BPIFC: variants seen among roughly 807,000 people sequenced by gnomAD.
The protein encoded by BPIFC is BPI fold-containing family C protein.
A neutral mutation model predicts 57.6 loss-of-function variants in BPIFC; 60 were observed. That is an observed-to-expected ratio of 1.04 (90% CI 0.85 to 1.29). BPIFC has a LOEUF of 1.29. Ranked by LOEUF, BPIFC falls within the 50% of genes most tolerant of loss-of-function variation. The pLI, the probability that BPIFC is intolerant of heterozygous loss-of-function variation, is 0.00. For missense variants in BPIFC, 581 were observed against 600.5 expected, an observed-to-expected ratio of 0.97 and a Z score of 0.34; for synonymous variants, 243 against 224.5, an observed-to-expected ratio of 1.08 and a Z score of -0.74.
intron 1 of BPIFC, among the ~76,000 whole-genome samples, chr22:32,462,106 G>C (rs189591169): frequency 3.2e-4 from 43 of 136,062 alleles, no homozygotes; most frequent in African/African-American, 1.1e-3. Flanking sequence ...GGAGGCAGAG[G>C]TTGCAGTGAG....
At chr22:32,436,013 T>C in intron 9 of BPIFC, 133 bp from the exon 10 acceptor site, 1 of 947,326 alleles carries the variant, frequency 1.1e-6, no homozygotes, top group Non-Finnish European at 1.5e-6. Flanking sequence ...CTCACGCCTA[T>C]AATCCCAACA....
chr22:32,457,046 T>A, intron 3 of BPIFC, among the ~76,000 whole-genome samples: 1 of 152,190 alleles, frequency 6.6e-6, no homozygotes, highest in East Asian at 1.9e-4. Flanking sequence ...ACAATGAGAA[T>A]CTGTGCTGTG....
intron 2 of BPIFC, 109 bp from the exon 3 acceptor site, chr22:32,457,495 T>C (rs1343276197): frequency 1.6e-6 from 2 of 1,256,076 alleles, no homozygotes; most frequent in Non-Finnish European, 2.2e-6. Context: ...CTTCCAGAAC[T>C]CAATACATCC....
At chr22:32,438,100 G>A (rs573462478) in intron 8 of BPIFC, among the ~76,000 whole-genome samples, 2 of 152,250 alleles carry the variant, frequency 1.3e-5, no homozygotes, top group Admixed American at 6.5e-5. Flanking sequence ...GGTGTGCAGT[G>A]GTCCCCCTTA....
chr22:32,430,785 G>A (rs532550704), intron 13 of BPIFC, among the ~76,000 whole-genome samples: 193 of 151,618 alleles, frequency 1.3e-3, no homozygotes, highest in Non-Finnish European at 2.2e-3. Flanking sequence ...GGATTACAGC[G>A]GTGCACACCA....
At position 32,414,153 on chromosome 22, in the gene BPIFC, G is replaced by T; in HGVS notation, c.*150C>A. The stretch of plus-strand genomic sequence containing the variant: ...CTTTAACAGAGTCTGCCTTATTCTG[G>T]GTTCCTGAAGGCTTAAGAAAGAAAA... On this transcript the variant is annotated 3_prime_UTR_variant, in exon 17 of 17. Transcript: ENST00000300399. The T allele has an allele frequency of 1.0e-6, 1 of 987,952 alleles. No individual in the cohort carries two copies. The allele number at this position is 987,952 out of a possible 1,614,324, so 61.2% of individuals were successfully genotyped here. A position where few individuals can be genotyped will look rare whatever the true frequency, so the allele number is the denominator to read the frequency against.
chr22:32,427,251 G>T (rs1934094572), intron 13 of BPIFC, among the ~76,000 whole-genome samples: 1 of 152,158 alleles, frequency 6.6e-6, no homozygotes, highest in Non-Finnish European at 1.5e-5. Flanking sequence ...ACGTGCTGTT[G>T]CTTACTAGTA....
At chr22:32,448,640 T>TA (rs1164292022) in intron 4 of BPIFC, among the ~76,000 whole-genome samples, 1 of 151,974 alleles carries the variant, frequency 6.6e-6, no homozygotes, top group African/African-American at 2.4e-5. Flanking sequence ...ACATGCATTA[T>TA]AAGAAATTAT....
chr22:32,429,521 T>TG (rs1364156689), intron 13 of BPIFC, among the ~76,000 whole-genome samples: 43 of 105,994 alleles, frequency 4.1e-4, no homozygotes, highest in African/African-American at 1.2e-3. Context: ...TTTTTTTTTT[T>TG]TTTTTTTTTT....
intron 2 of BPIFC, among the ~76,000 whole-genome samples, chr22:32,458,473 G>T (rs1935093229): frequency 6.6e-6 from 1 of 152,174 alleles, no homozygotes; most frequent in African/African-American, 2.4e-5. Flanking sequence ...TTTCTCCAAA[G>T]CACTTATCAT....
chr22:32,428,498 T>G (rs965841714), intron 13 of BPIFC, among the ~76,000 whole-genome samples: 1 of 152,172 alleles, frequency 6.6e-6, no homozygotes, highest in Non-Finnish European at 1.5e-5. Flanking sequence ...AGGAAGCTAA[T>G]GAAGAAGTCA....
chr22:32,463,470 A>C (rs1935203711), intron 1 of BPIFC, among the ~76,000 whole-genome samples: 1 of 152,222 alleles, frequency 6.6e-6, no homozygotes, highest in Non-Finnish European at 1.5e-5. Flanking sequence ...TCCTTGTGTG[A>C]GTCATCCTGA....
At chr22:32,460,267 G>A (rs1375213188) in intron 2 of BPIFC, among the ~76,000 whole-genome samples, 2 of 152,190 alleles carry the variant, frequency 1.3e-5, no homozygotes, top group Non-Finnish European at 2.9e-5. Context: ...CCAGTGGAAA[G>A]CATTTTAGGA....
At chr22:32,431,725 AT>A (rs1448249379) in intron 12 of BPIFC, among the ~76,000 whole-genome samples, 3 of 151,792 alleles carry the variant, frequency 2.0e-5, no homozygotes, top group African/African-American at 7.3e-5. Context: ...ATGTCCTTCT[AT>A]CAGATTGCAT....
intron 4 of BPIFC, among the ~76,000 whole-genome samples, chr22:32,451,509 C>T (rs965118218): frequency 3.3e-5 from 5 of 152,006 alleles, no homozygotes; most frequent in Non-Finnish European, 7.4e-5. Context: ...CACTTGGACA[C>T]AGGAAGGGGA....
chr22:32,424,615 C>T (rs1049177209), intron 13 of BPIFC, among the ~76,000 whole-genome samples: 472 of 42,160 alleles, frequency 0.011, 61 homozygotes, highest in African/African-American at 0.037. Context: ...TCCTCCTCCT[C>T]CTCCTCCTCC....
chr22:32,423,676 A>T (rs558690833), intron 13 of BPIFC, among the ~76,000 whole-genome samples: 169 of 151,610 alleles, frequency 1.1e-3, no homozygotes, highest in African/African-American at 4.0e-3. Context: ...AATGTCAAAA[A>T]AAAAACAAAA....
chr22:32,414,411 A>G lies in BPIFC; in HGVS notation c.1416T>C (p.Ile472=), dbSNP rs1774695529. ...DIEVLEGFLL[I]STDLKYETSS... Reference sequence around the variant, plus strand: ...ATGTTTCATACTTCAGGTCGGTGGAAATCAAAAGGAAACCCTGGAAAGGAT... The same window carrying G: ...ATGTTTCATACTTCAGGTCGGTGGAGATCAAAAGGAAACCCTGGAAAGGAT... Residue 472 remains isoleucine (I), a synonymous_variant, in exon 17 of 17, where the codon ATT becomes ATC. Coordinates refer to ENST00000300399, the MANE Select transcript of BPIFC (RefSeq NM_174932.3). 6 of 1,613,692 alleles carry G rather than the reference A, an allele frequency of 3.7e-6. No individual in the cohort carries two copies. In the East Asian group the frequency reaches 6.7e-5, roughly 18 times the overall value.
chr22:32,456,438 T>C (rs8184971), intron 3 of BPIFC, among the ~76,000 whole-genome samples: 94,399 of 132,490 alleles, frequency 0.71, 31,905 homozygotes, highest in African/African-American at 0.78. Flanking sequence ...TTTCTTTCTT[T>C]CTTCCCTCCC....
Sources: gnomAD v4.1 joint callset for allele counts (sites outside exome capture counted in the v4.1 genomes callset) on GRCh38, gnomAD v4.1.1 for gene constraint, MANE v1.5 for transcripts, NCBI Gene and HGNC (gene_info 2026-07-23, HGNC 2026-07-21) for gene names.